Variants in OCM observed in about 807,000 individuals in gnomAD.
OCM encodes the protein oncomodulin-1.
A neutral mutation model predicts 14.1 loss-of-function variants in OCM; 18 were observed. The observed-to-expected ratio is 1.28, with a 90% CI of 0.88 to 1.89. The LOEUF (loss-of-function observed/expected upper bound fraction) is 1.89. OCM is among the 40% of genes most tolerant of loss of function. OCM has a pLI of 0.00. For missense variants in OCM, 140 were observed against 137.6 expected (o/e 1.02, Z -0.09); for synonymous variants, 48 against 51.0 (o/e 0.94, Z 0.25).
chr7:5,869,664 C>T, the OCM span, among the ~76,000 whole-genome samples: 1 of 152,050 alleles, frequency 6.6e-6, no homozygotes, highest in Admixed American at 6.6e-5. Flanking sequence ...ATCTCATTCC[C>T]ACCTGCACCC....
chr7:5,878,875 TAAA>T (rs57901741), upstream of OCM, among the ~76,000 whole-genome samples: 21,974 of 101,604 alleles, frequency 0.22, 2,462 homozygotes, highest in African/African-American at 0.39. Flanking sequence ...TGCTGAAAGT[TAAA>T]AAAAAAAAAA....
upstream of OCM, among the ~76,000 whole-genome samples, chr7:5,876,893 C>T (rs1047180953): frequency 1.3e-4 from 20 of 151,850 alleles, no homozygotes; most frequent in Non-Finnish European, 2.4e-4. Context: ...GCAACCTCCA[C>T]CTCCCCAGTT....
chr7:5,863,722 TG>T, the OCM span, among the ~76,000 whole-genome samples: 1 of 151,834 alleles, frequency 6.6e-6, no homozygotes, highest in Non-Finnish European at 1.5e-5. Context: ...TTAGTAGAGA[TG>T]GGGTTTCACC....
At chr7:5,874,515 T>TC in the OCM span, among the ~76,000 whole-genome samples, 11 of 151,994 alleles carry the variant, frequency 7.2e-5, no homozygotes, top group African/African-American at 1.2e-4. Context: ...TCTTTTTTTT[T>TC]CTTTGGAGAG....
At chr7:5,863,350 T>C in the OCM span, among the ~76,000 whole-genome samples, 1 of 152,048 alleles carries the variant, frequency 6.6e-6, no homozygotes, top group African/African-American at 2.4e-5. Flanking sequence ...TGGGGACTCA[T>C]GACTCATTCC....
At chr7:5,863,555 T>G in the OCM span, among the ~76,000 whole-genome samples, 4 of 146,822 alleles carry the variant, frequency 2.7e-5, no homozygotes, top group African/African-American at 5.1e-5. Flanking sequence ...TTTCTCAAGA[T>G]GGAGTCTTGC....
At chr7:5,884,568 C>T (rs1781294843) in intron 3 of OCM, among the ~76,000 whole-genome samples, 1 of 152,208 alleles carries the variant, frequency 6.6e-6, no homozygotes, top group East Asian at 1.9e-4. Context: ...AATACACTAG[C>T]ACAGCTGTAG....
At chr7:5,861,287 G>C in the OCM span, among the ~76,000 whole-genome samples, 1 of 152,108 alleles carries the variant, frequency 6.6e-6, no homozygotes, top group African/African-American at 2.4e-5. Flanking sequence ...CGGGCTTGGT[G>C]CTGCGTGCCT....
chr7:5,882,223 C>T (rs1781233526), intron 1 of OCM, among the ~76,000 whole-genome samples: 3 of 150,996 alleles, frequency 2.0e-5, no homozygotes, highest in African/African-American at 7.3e-5. Context: ...TAAAGTGGGC[C>T]AGGGGGAGGG....
intron 3 of OCM, among the ~76,000 whole-genome samples, chr7:5,885,621 T>G (rs950084869): frequency 6.6e-6 from 1 of 151,110 alleles, no homozygotes; most frequent in African/African-American, 2.4e-5. Context: ...TCCTTTTTTT[T>G]TTTTTTTGAG....
At chr7:5,880,645 G>C (rs947989044), upstream of OCM, among the ~76,000 whole-genome samples, 12 of 152,052 alleles carry the variant, frequency 7.9e-5, no homozygotes, top group Non-Finnish European at 1.8e-4. Flanking sequence ...TGTAATCCCA[G>C]CTACTGGGAA....
At chr7:5,869,237 C>T in the OCM span, among the ~76,000 whole-genome samples, 1 of 152,062 alleles carries the variant, frequency 6.6e-6, no homozygotes, top group Non-Finnish European at 1.5e-5. Flanking sequence ...GGTGCCAGGC[C>T]CTCCTAGACA....
At chr7:5,870,565 C>G in the OCM span, among the ~76,000 whole-genome samples, 2 of 152,178 alleles carry the variant, frequency 1.3e-5, no homozygotes, top group African/African-American at 4.8e-5. Flanking sequence ...AGCAGGGAAC[C>G]AGAGATTTCA....
upstream of OCM, chr7:5,880,778 T>A (rs540609761): frequency 7.2e-6 from 6 of 829,398 alleles, no homozygotes; most frequent in African/African-American, 1.8e-5. Flanking sequence ...AAAAAAATAA[T>A]CTAGACACAC....
At chr7:5,867,923 A>G in the OCM span, among the ~76,000 whole-genome samples, 1 of 152,024 alleles carries the variant, frequency 6.6e-6, no homozygotes, top group African/African-American at 2.4e-5. Flanking sequence ...TTTTTTGTAG[A>G]GATGGGGTTC....
At chr7:5,877,179 T>G (rs115800694), upstream of OCM, among the ~76,000 whole-genome samples, 3,329 of 152,122 alleles carry the variant, frequency 0.022, 140 homozygotes, top group African/African-American at 0.077. Flanking sequence ...TTTTAAAAAC[T>G]TGAGGCTGGG....
chr7:5,880,872 T>G lies in OCM; in HGVS notation c.-18T>G, dbSNP rs1410044080. The stretch of plus-strand genomic sequence containing the variant: ...GTGGCTTATCGCCTCTCATTTATTC[T>G]GTGTGAGTAGGTAGAAAATGAGCAT... On this transcript the variant is annotated 5_prime_UTR_variant, in exon 1 of 4. Coordinates refer to ENST00000242104, the MANE Select transcript of OCM (RefSeq NM_001097622.2). 1.2e-6 allele frequency: 2 copies of G among 1,613,414 alleles called. No individual in the cohort carries two copies. The highest frequency in any genetic ancestry group is 2.7e-5 in the African/African-American group (2 of 74,916).
At chr7:5,863,868 G>A in the OCM span, among the ~76,000 whole-genome samples, 1 of 152,086 alleles carries the variant, frequency 6.6e-6, no homozygotes, top group Non-Finnish European at 1.5e-5. Context: ...GGAAGGCAGA[G>A]TGAGTGGATG....
chr7:5,870,688 A>T, the OCM span, among the ~76,000 whole-genome samples: 1 of 152,206 alleles, frequency 6.6e-6, no homozygotes, highest in Non-Finnish European at 1.5e-5. Flanking sequence ...GCAGTGAGGT[A>T]TCTTGTGGAA....
Sources: allele counts gnomAD v4.1 joint callset (sites outside exome capture counted in the v4.1 genomes callset), GRCh38; gene constraint gnomAD v4.1.1; transcripts MANE v1.5; gene names NCBI Gene and HGNC (gene_info 2026-07-23, HGNC 2026-07-21).